Variants in GSE1 observed in about 807,000 individuals in gnomAD.
The protein encoded by GSE1 is genetic suppressor element 1.
GSE1 carries 32 observed loss-of-function variants against 112.6 expected under a neutral mutation model. The ratio of observed to expected loss-of-function variants is 0.28; its 90% CI spans 0.21 to 0.38. The LOEUF (loss-of-function observed/expected upper bound fraction) is 0.38. GSE1 is among the 10% of genes least tolerant of loss of function. The pLI is 1.00. For missense variants in GSE1, 2,348 were observed against 1,699.2 expected (o/e 1.38, Z -6.71); for synonymous variants, 1,115 against 735.6 (o/e 1.52, Z -8.35).
intron 1 of GSE1, among the ~76,000 whole-genome samples, chr16:85,176,081 T>C (rs1026443098): frequency 3.3e-5 from 5 of 152,164 alleles, no homozygotes; most frequent in African/African-American, 1.2e-4. Flanking sequence ...CTCCCCCTCC[T>C]GAGCTCAAGC....
chr16:85,240,139 G>C (rs946636321), intron 1 of GSE1, among the ~76,000 whole-genome samples: 1 of 152,238 alleles, frequency 6.6e-6, no homozygotes, highest in Admixed American at 6.5e-5. Context: ...CATAGGTGTT[G>C]TTCTCCAAGC....
chr16:85,310,509 C>A (rs1801817967), intron 1 of GSE1, among the ~76,000 whole-genome samples: 1 of 149,222 alleles, frequency 6.7e-6, no homozygotes, highest in South Asian at 2.2e-4. Flanking sequence ...CTCTGCCCCT[C>A]CCCCCTCCTC....
At chr16:85,344,620 T>A (rs1597446420) in intron 1 of GSE1, among the ~76,000 whole-genome samples, 1 of 152,232 alleles carries the variant, frequency 6.6e-6, no homozygotes, top group Non-Finnish European at 1.5e-5. Flanking sequence ...CACAGACTCA[T>A]TGGCCCTTGC....
At chr16:85,241,457 G>A (rs1567632705) in intron 1 of GSE1, among the ~76,000 whole-genome samples, 1 of 152,204 alleles carries the variant, frequency 6.6e-6, no homozygotes, top group African/African-American at 2.4e-5. Flanking sequence ...TGGTGGGAGT[G>A]TTTACACCAG....
At chr16:85,541,003 G>A (rs143344815) in intron 2 of GSE1, among the ~76,000 whole-genome samples, 1 of 152,248 alleles carries the variant, frequency 6.6e-6, no homozygotes, top group East Asian at 1.9e-4. Flanking sequence ...AAGCAGGGTG[G>A]TGTGGCGGGG....
intron 1 of GSE1, among the ~76,000 whole-genome samples, chr16:85,303,262 G>T (rs1280834023): frequency 6.6e-6 from 1 of 152,218 alleles, no homozygotes; most frequent in African/African-American, 2.4e-5. Context: ...CTCTGGTTGG[G>T]TTCCTATCTG....
At chr16:85,414,505 G>A (rs914928469) in intron 2 of GSE1, among the ~76,000 whole-genome samples, 4 of 152,192 alleles carry the variant, frequency 2.6e-5, no homozygotes, top group African/African-American at 4.8e-5. Flanking sequence ...GAATGACATC[G>A]CCATGCCTTC....
At chr16:85,224,561 G>T (rs544493369) in intron 1 of GSE1, among the ~76,000 whole-genome samples, 42 of 152,246 alleles carry the variant, frequency 2.8e-4, no homozygotes, top group Non-Finnish European at 4.6e-4. Context: ...TTCCACAGAG[G>T]TTCCTTGAGC....
At chr16:85,269,814 C>T (rs13338394) in intron 1 of GSE1, among the ~76,000 whole-genome samples, 73,672 of 148,498 alleles carry the variant, frequency 0.5, 21,621 homozygotes, top group African/African-American at 0.61. Flanking sequence ...CAGGCCCTGT[C>T]GAGAGAGGTG....
chr16:85,562,929 T>C (rs976655442), intron 1 of GSE1, among the ~76,000 whole-genome samples: 34 of 152,288 alleles, frequency 2.2e-4, no homozygotes, highest in African/African-American at 7.2e-4. Flanking sequence ...CCTGTCATAC[T>C]CTTTGTGGGA....
intron 2 of GSE1, among the ~76,000 whole-genome samples, chr16:85,469,472 C>G (rs369535115): frequency 6.6e-6 from 1 of 152,186 alleles, no homozygotes. Flanking sequence ...GGACATCTGG[C>G]CTCTGGGACT....
At chr16:85,632,346 C>A (rs866592464) in intron 1 of GSE1, among the ~76,000 whole-genome samples, 5 of 152,130 alleles carry the variant, frequency 3.3e-5, no homozygotes, top group Non-Finnish European at 4.4e-5. Context: ...CCTCTCTGTT[C>A]TCTCATTTGC....
At chr16:85,647,855 G>A (rs968905343) in intron 2 of GSE1, among the ~76,000 whole-genome samples, 5 of 152,138 alleles carry the variant, frequency 3.3e-5, no homozygotes, top group Non-Finnish European at 5.9e-5. Context: ...AAAGTGCTGG[G>A]ATTACAGGCG....
intron 1 of GSE1, among the ~76,000 whole-genome samples, chr16:85,224,548 T>A (rs2075449768): frequency 6.6e-6 from 1 of 152,130 alleles, no homozygotes; most frequent in Non-Finnish European, 1.5e-5. Flanking sequence ...ATTCATTCAT[T>A]CATTCCACAG....
Position 85,656,501 on chromosome 16 carries a change from G to A in GSE1, c.1148G>A (p.Arg383His), listed in dbSNP as rs754214628. Reference sequence around the variant, plus strand: ...CGTGAGCGTGAGAAGGAGCGCGAGCGCGAGCTGGAGCGCCAGCGGGAGCAG... The same window carrying A: ...CGTGAGCGTGAGAAGGAGCGCGAGCACGAGCTGGAGCGCCAGCGGGAGCAG... ...KEREREKERE[R>H]ELERQREQRA... The change falls in exon 7 of 16, where the codon CGC (arginine) becomes CAC (histidine). Residue 383 changes from arginine to histidine, a missense_variant. By Grantham distance (29) the Arg-to-His change is conservative. Coordinates refer to ENST00000253458, the MANE Select transcript of GSE1 (RefSeq NM_014615.5). 338 of 1,547,318 alleles carry A rather than the reference G, an allele frequency of 2.2e-4. No homozygotes were observed. Among genetic ancestry groups the A allele is most frequent in the Non-Finnish European group, 2.8e-4 (315 of 1,144,844 alleles).
At chr16:85,671,386 G>A (rs1428689466) in intron 15 of GSE1, among the ~76,000 whole-genome samples, 1 of 138,558 alleles carries the variant, frequency 7.2e-6, no homozygotes, top group African/African-American at 2.7e-5. Flanking sequence ...CTTGCAGTGA[G>A]CCGAGATTGC....
At chr16:85,178,785 G>A in intron 1 of GSE1, among the ~76,000 whole-genome samples, 1 of 151,414 alleles carries the variant, frequency 6.6e-6, no homozygotes, top group Non-Finnish European at 1.5e-5. Context: ...GCCGGAGAGA[G>A]GGGTGGTGGG....
intron 7 of GSE1, 80 bp from the exon 8 acceptor site, chr16:85,657,197 C>CA: frequency 1.0e-6 from 1 of 975,508 alleles, no homozygotes; most frequent in Non-Finnish European, 1.5e-6. Context: ...TTTCTCTGGG[C>CA]AGTTGGGTGA....
chr16:85,434,338 T>TC (rs199937775), intron 2 of GSE1, among the ~76,000 whole-genome samples: 12,291 of 150,160 alleles, frequency 0.082, 530 homozygotes, highest in South Asian at 0.14. Context: ...ATAATAATAA[T>TC]AATAATAATC....
Sources: allele counts gnomAD v4.1 joint callset (sites outside exome capture counted in the v4.1 genomes callset), GRCh38; gene constraint gnomAD v4.1.1; transcripts MANE v1.5; gene names NCBI Gene and HGNC (gene_info 2026-07-23, HGNC 2026-07-21).